Variants in KHDRBS2 observed in about 807,000 individuals in gnomAD.
KHDRBS2 encodes the protein KH domain-containing, RNA-binding, signal transduction-associated protein 2.
Under a neutral mutation model 44.3 loss-of-function variants are expected in KHDRBS2, and 26 were observed. That is an observed-to-expected ratio of 0.59 (90% CI 0.43 to 0.81). The LOEUF is 0.81. Ranked by LOEUF, KHDRBS2 falls within the 40% of genes least tolerant of loss-of-function variation. The probability of loss-of-function intolerance (pLI) is 0.00; values close to 1 mark genes in which losing one functional copy is unlikely to be tolerated. For synonymous variants in KHDRBS2, 194 were observed against 151.1 expected (o/e 1.28, Z -2.08); for missense variants, 476 against 433.1 (o/e 1.10, Z -0.88).
rs1277925624 is a variant in KHDRBS2, at chr6:61,894,692, T to C, written c.753A>G (p.Pro251=). Reference sequence around the variant, plus strand: ...GAGGTGCCCTGTATCCTGGCACTGTTGGTGCCCCCCGGGCTCGAGGGGTAG... The same window carrying C: ...GAGGTGCCCTGTATCCTGGCACTGTCGGTGCCCCCCGGGCTCGAGGGGTAG... ...GVPTPRARGA[P]TVPGYRAPPP... The change falls in exon 6 of 9, where the codon CCA becomes CCG. Residue 251 remains proline, a synonymous_variant. Coordinates refer to ENST00000281156, the MANE Select transcript of KHDRBS2 (RefSeq NM_152688.4). 4 of 1,613,530 alleles carry C rather than the reference T, an allele frequency of 2.5e-6. No homozygotes were observed. The highest frequency in any genetic ancestry group is 3.4e-6 in the Non-Finnish European group (4 of 1,179,816).
At chr6:62,244,803 A>G (rs990229699) in intron 1 of KHDRBS2, among the ~76,000 whole-genome samples, 1 of 152,124 alleles carries the variant, frequency 6.6e-6, no homozygotes, top group Non-Finnish European at 1.5e-5. Context: ...TAAGGAACAG[A>G]GCAGTTTACA....
At chr6:61,799,272 G>T (rs558649618) in intron 6 of KHDRBS2, among the ~76,000 whole-genome samples, 7 of 151,940 alleles carry the variant, frequency 4.6e-5, no homozygotes, top group African/African-American at 1.7e-4. Context: ...TGAATAACTC[G>T]AGGGCTTTTC....
intron 7 of KHDRBS2, among the ~76,000 whole-genome samples, chr6:61,726,198 A>G (rs570798893): frequency 1.3e-5 from 2 of 150,910 alleles, no homozygotes; most frequent in Non-Finnish European, 3.0e-5. Context: ...TAGATGCAGA[A>G]AAGGCCTTCA....
intron 1 of KHDRBS2, among the ~76,000 whole-genome samples, chr6:62,208,947 AT>A (rs1356654398): frequency 6.6e-6 from 1 of 152,182 alleles, no homozygotes; most frequent in Non-Finnish European, 1.5e-5. Context: ...CTTGGCAATG[AT>A]TTTTTGTATA....
At chr6:62,096,788 T>C (rs749783516) in intron 2 of KHDRBS2, among the ~76,000 whole-genome samples, 140 of 151,854 alleles carry the variant, frequency 9.2e-4, no homozygotes, top group Non-Finnish European at 1.6e-3. Flanking sequence ...TTCTAGTTCC[T>C]TGAGCTGCAA....
chr6:61,576,637 C>T, the KHDRBS2 span, among the ~76,000 whole-genome samples: 1 of 152,102 alleles, frequency 6.6e-6, no homozygotes, highest in Non-Finnish European at 1.5e-5. Context: ...AAATTTTGAG[C>T]TTTTGAGAAA....
chr6:61,603,806 C>T, the KHDRBS2 span, among the ~76,000 whole-genome samples: 2 of 152,140 alleles, frequency 1.3e-5, no homozygotes, highest in African/African-American at 4.8e-5. Flanking sequence ...TCAATCCAGC[C>T]TCCCACATTA....
At chr6:61,629,225 G>A in the KHDRBS2 span, among the ~76,000 whole-genome samples, 1 of 151,982 alleles carries the variant, frequency 6.6e-6, no homozygotes, top group Non-Finnish European at 1.5e-5. Flanking sequence ...AGATAATAAA[G>A]GTTCACTTCT....
chr6:62,269,284 T>G (rs1171670251), intron 1 of KHDRBS2, among the ~76,000 whole-genome samples: 1 of 151,936 alleles, frequency 6.6e-6, no homozygotes, highest in Non-Finnish European at 1.5e-5. Flanking sequence ...CTCTGAAAGA[T>G]GAAAATATTA....
chr6:61,990,924 G>T (rs1776019354), intron 3 of KHDRBS2, among the ~76,000 whole-genome samples: 1 of 152,060 alleles, frequency 6.6e-6, no homozygotes, highest in African/African-American at 2.4e-5. Context: ...TGGCCAGGAT[G>T]GTCTCAATCT....
At position 62,285,915 on chromosome 6, in the gene KHDRBS2, C is replaced by A. The variant is rs373201378; in HGVS notation, c.34G>T (p.Ala12Ser). Residue 12 changes from alanine to serine, a missense_variant, in exon 1 of 9, where the codon GCA (alanine) becomes TCA (serine). Physicochemically the swap from Ala to Ser is moderately conservative, Grantham distance 99 (BLOSUM62 1). Coordinates refer to ENST00000281156, the MANE Select transcript of KHDRBS2 (RefSeq NM_152688.4). ...EEEKYLPELM[A>S]EKDSLDPSFV... ...GATGGATCCAGGCTATCTTTCTCTG[C>A]CATCAGCTCAGGCAAATATTTCTCC... The A allele has an allele frequency of 2.7e-5, 44 of 1,613,308 alleles. No individual in the cohort carries two copies. The highest frequency in any genetic ancestry group is 3.7e-5 in the Non-Finnish European group (44 of 1,179,686).
the KHDRBS2 span, among the ~76,000 whole-genome samples, chr6:61,637,552 A>T: frequency 6.6e-6 from 1 of 152,110 alleles, no homozygotes; most frequent in Non-Finnish European, 1.5e-5. Flanking sequence ...TATACCCAGT[A>T]ATGGGATGGC....
At chr6:61,632,770 G>C in the KHDRBS2 span, among the ~76,000 whole-genome samples, 1 of 151,986 alleles carries the variant, frequency 6.6e-6, no homozygotes. Context: ...CAAATTCATC[G>C]CTGCCACACG....
the KHDRBS2 span, among the ~76,000 whole-genome samples, chr6:61,627,252 C>A: frequency 1.8e-4 from 14 of 76,106 alleles, no homozygotes; most frequent in South Asian, 5.7e-4. Context: ...GACTCCGTCT[C>A]AAAAAAAAAA....
At chr6:61,550,589 A>C in the KHDRBS2 span, among the ~76,000 whole-genome samples, 1 of 152,130 alleles carries the variant, frequency 6.6e-6, no homozygotes, top group African/African-American at 2.4e-5. Context: ...TTGCTGGGTC[A>C]AATGGTAATT....
intron 1 of KHDRBS2, among the ~76,000 whole-genome samples, chr6:62,285,081 A>AAATGGAGT (rs1474747387): frequency 6.6e-6 from 1 of 152,238 alleles, no homozygotes; most frequent in East Asian, 1.9e-4. Context: ...ATTATAACAT[A>AAATGGAGT]AATGGAGTAA....
chr6:62,072,143 GTC>G (rs1554373788), intron 2 of KHDRBS2, among the ~76,000 whole-genome samples: 4 of 152,114 alleles, frequency 2.6e-5, no homozygotes, highest in Non-Finnish European at 4.4e-5. Flanking sequence ...CTCTCTGTTT[GTC>G]TGTTATTGGT....
chr6:62,073,755 T>C lies in KHDRBS2; in HGVS notation c.220-25761A>G, dbSNP rs561528063. 5.9e-5 allele frequency among the ~76,000 whole-genome samples: 9 copies of C among 151,850 alleles called. No individual in the cohort carries two copies. In the South Asian group the frequency reaches 1.5e-3, roughly 25 times the overall value. On this transcript the variant is annotated intron_variant, in intron 2 of 8. Coordinates refer to ENST00000281156, the MANE Select transcript of KHDRBS2 (RefSeq NM_152688.4). ...TTCTCTTCATGAAATTTCTGATTGC[T>C]ATCCCATGTTGTTTTTATCATGCAG...
chr6:61,589,633 G>T, the KHDRBS2 span, among the ~76,000 whole-genome samples: 223 of 152,224 alleles, frequency 1.5e-3, 4 homozygotes, highest in African/African-American at 5.2e-3. Context: ...TGAGCAAACT[G>T]TGGACTGGAT....
Sources: allele counts gnomAD v4.1 joint callset (sites outside exome capture counted in the v4.1 genomes callset), GRCh38; gene constraint gnomAD v4.1.1; transcripts MANE v1.5; gene names NCBI Gene and HGNC (gene_info 2026-07-23, HGNC 2026-07-21).